Variants in C15orf40 observed in about 807,000 individuals in gnomAD.
The protein encoded by C15orf40 is chromosome 15 open reading frame 40.
In C15orf40, 9 loss-of-function variants were observed where a neutral mutation model predicts 13.9. That is an observed-to-expected ratio of 0.65 (90% CI 0.39 to 1.13). C15orf40 has a LOEUF of 1.13. Ranked by LOEUF, C15orf40 falls within the 50% of genes most tolerant of loss-of-function variation. The probability of loss-of-function intolerance (pLI) is 0.01; values close to 1 mark genes in which losing one functional copy is unlikely to be tolerated. For synonymous variants in C15orf40, 95 were observed against 69.2 expected (o/e 1.37, Z -1.85); for missense variants, 225 against 188.5 (o/e 1.19, Z -1.13).
downstream of C15orf40, among the ~76,000 whole-genome samples, chr15:82,991,401 C>A (rs377216121): frequency 6.6e-6 from 1 of 152,022 alleles, no homozygotes; most frequent in African/African-American, 2.4e-5. Flanking sequence ...AAAAATTAGC[C>A]GGGTGTGGTG....
downstream of C15orf40, among the ~76,000 whole-genome samples, chr15:82,993,971 T>C (rs2030957373): frequency 6.6e-6 from 1 of 152,196 alleles, no homozygotes; most frequent in East Asian, 1.9e-4. Context: ...TGTTTTGTTT[T>C]TGAGTGCTAG....
rs1198993927 is a variant in C15orf40 at position 82,997,132 on chromosome 15, G to C, written c.*8465C>G. On this transcript the variant is annotated 3_prime_UTR_variant, in exon 4 of 4. Transcript: ENST00000304177. ...TATCTTGCCTTCTAAATTTCATACC[G>C]TTTTCAGCCTCTTCTCTGTTGCACT... 1 of 149,042 alleles carries C rather than the reference G, an allele frequency of 6.7e-6. No homozygotes were observed. Among genetic ancestry groups the C allele is most frequent in the Non-Finnish European group, 1.5e-5 (1 of 67,350 alleles). The allele number at this position is 149,042 out of a possible 1,614,324, so 9.2% of individuals were successfully genotyped here.
chr15:83,007,208 A>G (rs906694087), intron 3 of C15orf40, among the ~76,000 whole-genome samples: 1 of 152,242 alleles, frequency 6.6e-6, no homozygotes, highest in African/African-American at 2.4e-5. Flanking sequence ...TGAACCTTCT[A>G]TCTTCCCAAT....
chr15:82,990,760 A>G, downstream of C15orf40: 1 of 929,314 alleles, frequency 1.1e-6, no homozygotes. Context: ...TTTTGCTAAC[A>G]ACATAGCAGG....
downstream of C15orf40, chr15:82,989,104 A>G (rs778479846): frequency 6.2e-7 from 1 of 1,613,712 alleles, no homozygotes. Context: ...TATCAGGAAT[A>G]CCTGAAACGC....
intron 3 of C15orf40, among the ~76,000 whole-genome samples, 189 bp from the exon 4 acceptor site, chr15:83,005,881 C>T (rs1378301465): frequency 3.9e-5 from 6 of 152,180 alleles, no homozygotes; most frequent in Admixed American, 3.9e-4. Flanking sequence ...GTACTAACAA[C>T]TCTCCAGGGT....
intron 3 of C15orf40, chr15:83,006,332 T>TAA: frequency 5.4e-6 from 5 of 918,294 alleles, no homozygotes; most frequent in Non-Finnish European, 6.5e-6. Flanking sequence ...CAATTTTATA[T>TAA]AAACTTTGTA....
At chr15:83,010,563 C>T (rs1395126701) in intron 1 of C15orf40, 200 bp from the exon 2 acceptor site, 8 of 549,114 alleles carry the variant, frequency 1.5e-5, no homozygotes, top group Non-Finnish European at 2.2e-5. Context: ...TCCCATCAAC[C>T]CAACAGTGTT....
Position 83,004,938 on chromosome 15 carries a change from T to A in C15orf40, c.*659A>T, listed in dbSNP as rs747912124. The A allele has an allele frequency of 5.4e-6, 7 of 1,297,634 alleles. No individual in the cohort carries two copies. The highest frequency in any genetic ancestry group is 1.5e-5 in the African/African-American group (1 of 65,704). 80.4% of individuals were successfully genotyped at this position (1,297,634 alleles called of 1,614,324 possible). On this transcript the variant is annotated 3_prime_UTR_variant, in exon 4 of 4. Transcript: ENST00000304177. ...AAGGATTTGGGTTCTAGTTGCCAGC[T>A]TGCATGGTACAATCTTGAGTAAGTC...
In C15orf40 at chr15:83,008,106, C is replaced by T. The variant is rs568560538; in HGVS notation, c.366+442G>A. On this transcript the variant is annotated intron_variant, in intron 3 of 3. Coordinates refer to ENST00000304177, the MANE Select transcript of C15orf40 (RefSeq NM_144597.3). The stretch of plus-strand genomic sequence containing the variant: ...ACTCAGGAGGCTGAGGCAGGAGAAT[C>T]GCTTGAATCCAGGAGTGAGAGGTAG... The T allele has an allele frequency of 2.4e-5, 4 of 164,230 alleles. No individual in the cohort carries two copies. The East Asian group carries it at 5.5e-4, about 23-fold the overall frequency. 10.2% of individuals were successfully genotyped at this position (164,230 alleles called of 1,614,324 possible).
chr15:83,008,390 G>A (rs1444028741), intron 3 of C15orf40, 158 bp downstream of exon 3: 2 of 653,618 alleles, frequency 3.1e-6, no homozygotes, highest in Non-Finnish European at 5.1e-6. Flanking sequence ...ATGGTGGCAT[G>A]CGCCTATAAT....
At position 82,999,924 on chromosome 15, in the gene C15orf40, T is replaced by G. The variant is rs2031344383; in HGVS notation, c.*5673A>C. 6.6e-6 allele frequency: 1 copy of G among 152,070 alleles called. No individual in the cohort carries two copies. The highest frequency in any genetic ancestry group is 1.5e-5 in the Non-Finnish European group (1 of 68,018). 9.4% of individuals were successfully genotyped at this position (152,070 alleles called of 1,614,324 possible). A position where few individuals can be genotyped will look rare whatever the true frequency, so the allele number is the denominator to read the frequency against. On this transcript the variant is annotated 3_prime_UTR_variant, in exon 4 of 4. Transcript: ENST00000304177. ...ATTGTCTGAGGAATGCCTATGTGGGTAGAAATAGGTGGTCTTCCTGCAACC... is the reference window on the plus strand; with the variant it reads ...ATTGTCTGAGGAATGCCTATGTGGGGAGAAATAGGTGGTCTTCCTGCAACC...
chr15:82,991,850 A>G (rs1217041963), downstream of C15orf40: 12 of 1,266,088 alleles, frequency 9.5e-6, no homozygotes, highest in South Asian at 6.2e-5. Flanking sequence ...ATTTGATACT[A>G]CAGATATTTA....
rs986783269 is a variant in C15orf40, at chr15:83,000,143, T to G, written c.*5454A>C. On this transcript the variant is annotated 3_prime_UTR_variant, in exon 4 of 4. Coordinates refer to ENST00000304177, the MANE Select transcript of C15orf40 (RefSeq NM_144597.3). The stretch of plus-strand genomic sequence containing the variant: ...GGCTCTCCAAGCAGCCTTCAAATGA[T>G]GATTCTCTTAAAGAGATTTCCCAAA... The G allele has an allele frequency of 3.3e-5, 5 of 152,258 alleles. No individual in the cohort carries two copies. The highest frequency in any genetic ancestry group is 2.6e-4 in the Admixed American group (4 of 15,282). 9.4% of individuals were successfully genotyped at this position (152,258 alleles called of 1,614,324 possible).
Position 83,010,336 on chromosome 15 carries a change from T to C in C15orf40, c.139A>G (p.Arg47Gly), listed in dbSNP as rs1431892916. The change falls in exon 2 of 4, where the codon AGA (arginine) becomes GGA (glycine). Residue 47 changes from arginine (R) to glycine (G), a missense_variant. By Grantham distance (125) the Arg-to-Gly change is moderately radical. Transcript: ENST00000304177. The stretch of plus-strand genomic sequence containing the variant: ...ACAGGACCTAAGGGAGGAAGTGGTC[T>C]CTCTGGTTCCTTGCTCTGGCTTTTA... ...KGKSQSKEPE[R>G]PLPPLGPVAV... 5 of 1,614,168 alleles carry C rather than the reference T, an allele frequency of 3.1e-6. No individual in the cohort carries two copies. Among genetic ancestry groups the C allele is most frequent in the Non-Finnish European group, 4.2e-6 (5 of 1,180,044 alleles).
At position 82,994,905 on chromosome 15, in the gene C15orf40, C is replaced by T. The variant is rs1401099436; in HGVS notation, c.*10692G>A. The T allele has an allele frequency of 6.6e-6, 1 of 152,136 alleles. No homozygotes were observed. The highest frequency in any genetic ancestry group is 1.5e-5 in the Non-Finnish European group (1 of 68,042). The allele number at this position is 152,136 out of a possible 1,614,324, so 9.4% of individuals were successfully genotyped here. On this transcript the variant is annotated 3_prime_UTR_variant, in exon 4 of 4. Transcript: ENST00000304177. The stretch of plus-strand genomic sequence containing the variant: ...TTTAAAATTGATTTAAGCCCAGTAG[C>T]AGAAAATACTCTTGACATTGGCAGA...
At position 83,003,646 on chromosome 15, in the gene C15orf40, T is replaced by G. The variant is rs1355718036; in HGVS notation, c.*1951A>C. On this transcript the variant is annotated 3_prime_UTR_variant, in exon 4 of 4. Coordinates refer to ENST00000304177, the MANE Select transcript of C15orf40 (RefSeq NM_144597.3). ...CTTAAACCAAGCTCTGCCATTAATG[T>G]GCACTGTGATCTCACATAAGCCACC... is the stretch of plus-strand genomic sequence containing the variant. The G allele has an allele frequency of 6.6e-6, 1 of 152,268 alleles. No homozygotes were observed. Among genetic ancestry groups the G allele is most frequent in the East Asian group, 1.9e-4 (1 of 5,196 alleles). 9.4% of individuals were successfully genotyped at this position (152,268 alleles called of 1,614,324 possible). A position where few individuals can be genotyped will look rare whatever the true frequency, so the allele number is the denominator to read the frequency against.
At chr15:83,008,725 A>G (rs1385121899) in intron 2 of C15orf40, 50 bp from the exon 3 acceptor site, 2 of 1,530,664 alleles carry the variant, frequency 1.3e-6, no homozygotes, top group Non-Finnish European at 8.8e-7. Context: ...CTTTTTCTTC[A>G]TGAAGCAAGG....
rs1222973814 is a variant in C15orf40, at chr15:82,997,839, C to T, written c.*7758G>A. ...GGCTGGCAGGGCAGGGGGGCTGACC[C>T]CCCCCCACCTCCCTCCCGGACGGGG... is the stretch of plus-strand genomic sequence containing the variant. On this transcript the variant is annotated 3_prime_UTR_variant, in exon 4 of 4. Coordinates refer to ENST00000304177, the MANE Select transcript of C15orf40 (RefSeq NM_144597.3). 1 of 121,908 alleles carries T rather than the reference C, an allele frequency of 8.2e-6. No homozygotes were observed. Among genetic ancestry groups the T allele is most frequent in the Non-Finnish European group, 1.7e-5 (1 of 59,396 alleles). The allele number at this position is 121,908 out of a possible 1,614,324, so 7.6% of individuals were successfully genotyped here.
Sources: gnomAD v4.1 joint callset for allele counts (sites outside exome capture counted in the v4.1 genomes callset) on GRCh38, gnomAD v4.1.1 for gene constraint, MANE v1.5 for transcripts, NCBI Gene and HGNC (gene_info 2026-07-23, HGNC 2026-07-21) for gene names.